The following PCNX2 variants were observed in gnomAD, a reference collection of about 807,000 sequenced individuals.
PCNX2 encodes pecanex-like protein 2.
A neutral mutation model predicts 223.8 loss-of-function variants in PCNX2; 168 were observed. That is an observed-to-expected ratio of 0.75 (90% CI 0.66 to 0.85). The LOEUF is 0.85. PCNX2 is among the 40% of genes least tolerant of loss of function. The probability of loss-of-function intolerance (pLI) is 0.00; values close to 1 mark genes in which losing one functional copy is unlikely to be tolerated. For synonymous variants in PCNX2, 1,006 were observed against 1,052.6 expected (o/e 0.96, Z 0.86); for missense variants, 2,507 against 2,675.5 (o/e 0.94, Z 1.39).
intron 13 of PCNX2, among the ~76,000 whole-genome samples, chr1:233,206,349 C>T (rs1681459491): frequency 7.3e-6 from 1 of 136,674 alleles, no homozygotes; most frequent in African/African-American, 2.6e-5. Context: ...GACTCCAACA[C>T]TGCTGTTTGC....
intron 1 of PCNX2, chr1:233,288,803 C>G: frequency 1.5e-6 from 1 of 655,808 alleles, no homozygotes; most frequent in South Asian, 1.9e-5. Flanking sequence ...GGAAAGATGC[C>G]CTTTTTTTTT....
At chr1:233,151,021 C>A (rs545513988) in intron 19 of PCNX2, among the ~76,000 whole-genome samples, 13 of 149,170 alleles carry the variant, frequency 8.7e-5, no homozygotes, top group Non-Finnish European at 1.9e-4. Context: ...ACAGGGTAGA[C>A]AGAGCTTCTC....
At chr1:233,322,447 C>T in the PCNX2 span, among the ~76,000 whole-genome samples, 5 of 152,150 alleles carry the variant, frequency 3.3e-5, no homozygotes, top group African/African-American at 9.7e-5. Flanking sequence ...GACAGACTCT[C>T]ATCTGGGACA....
At chr1:233,213,868 C>G (rs1234542564) in intron 12 of PCNX2, among the ~76,000 whole-genome samples, 1 of 137,742 alleles carries the variant, frequency 7.3e-6, no homozygotes, top group Non-Finnish European at 1.5e-5. Flanking sequence ...CACTCTATCA[C>G]CCAGGGCTGG....
intron 13 of PCNX2, among the ~76,000 whole-genome samples, chr1:233,204,940 A>T (rs980153920): frequency 3.3e-5 from 5 of 152,262 alleles, no homozygotes; most frequent in Non-Finnish European, 7.3e-5. Flanking sequence ...AAATTGATTT[A>T]AAAATAAAAT....
At chr1:233,314,333 G>A in the PCNX2 span, among the ~76,000 whole-genome samples, 18 of 152,084 alleles carry the variant, frequency 1.2e-4, no homozygotes, top group African/African-American at 4.3e-4. Context: ...TGGATGGCTG[G>A]GGAGTAAACA....
chr1:233,009,647 A>T (rs774971842), intron 28 of PCNX2, among the ~76,000 whole-genome samples: 1 of 152,168 alleles, frequency 6.6e-6, no homozygotes, highest in Non-Finnish European at 1.5e-5. Flanking sequence ...CTGGCTGTAG[A>T]AGAATTAATC....
chr1:233,050,362 C>T (rs1175751178), intron 25 of PCNX2, among the ~76,000 whole-genome samples: 1 of 151,302 alleles, frequency 6.6e-6, no homozygotes, highest in Non-Finnish European at 1.5e-5. Context: ...AAAAAAAAGC[C>T]CAAGTAGCAA....
intron 9 of PCNX2, among the ~76,000 whole-genome samples, chr1:233,232,090 A>T (rs1027743577): frequency 6.6e-6 from 1 of 152,248 alleles, no homozygotes; most frequent in Admixed American, 6.5e-5. Context: ...TGAGGGATAA[A>T]ACATATTTTT....
In PCNX2 at chr1:233,001,583, T is replaced by C; in HGVS notation, c.5051A>G (p.His1684Arg). Residue 1684 changes from histidine to arginine, a missense_variant, in exon 29 of 34, where the codon CAT (histidine) becomes CGT (arginine). His to Arg is a conservative substitution (Grantham distance 29). Coordinates refer to ENST00000258229, the MANE Select transcript of PCNX2 (RefSeq NM_014801.4). This position sits in a 1 kb window ranked among gnomAD's most constrained non-coding sequence, Gnocchi z 4.2. ...CCTGATAGCTGGAGCTACAACTTTA[T>C]GCAGTAGGTCCATGTCAGCAAATAC... ...EWVFADMDLL[H>R]KVVAPAIRMS... is the part of the protein sequence containing the mutation. The C allele has an allele frequency of 3.2e-6, 5 of 1,541,762 alleles. No homozygotes were observed. The highest frequency in any genetic ancestry group is 1.3e-5 in the South Asian group (1 of 79,814).
chr1:232,997,945 C>T (rs1558150616), intron 32 of PCNX2, among the ~76,000 whole-genome samples: 2 of 152,118 alleles, frequency 1.3e-5, no homozygotes, highest in Non-Finnish European at 2.9e-5. Context: ...GAAGGCACAC[C>T]ATCAAACGGT....
intron 19 of PCNX2, among the ~76,000 whole-genome samples, chr1:233,155,436 A>G (rs1181853447): frequency 6.6e-6 from 1 of 152,228 alleles, no homozygotes; most frequent in African/African-American, 2.4e-5. Flanking sequence ...AGGGCTTGGC[A>G]TCTTGTAGGA....
At chr1:233,165,712 ATAAAC>A (rs1177170544) in intron 17 of PCNX2, among the ~76,000 whole-genome samples, 1 of 152,230 alleles carries the variant, frequency 6.6e-6, no homozygotes, top group African/African-American at 2.4e-5. Flanking sequence ...AACTAAACAG[ATAAAC>A]TAAATAAATA....
chr1:233,001,778 AT>A lies in PCNX2; in HGVS notation c.4953-98del. On this transcript the variant is annotated intron_variant, in intron 28 of 33. Coordinates refer to ENST00000258229, the MANE Select transcript of PCNX2 (RefSeq NM_014801.4). This position sits in a 1 kb window ranked among gnomAD's most constrained non-coding sequence, Gnocchi z 4.2. Reference sequence around the variant, plus strand: ...CCATTTGTCTAAGAATTATCTTAACATTTAGGCTGATATAGCAAGAAAATGA... The same window carrying A: ...CCATTTGTCTAAGAATTATCTTAACATTAGGCTGATATAGCAAGAAAATGA... The A allele has an allele frequency of 8.5e-7, 1 of 1,175,606 alleles. No individual in the cohort carries two copies. The highest frequency in any genetic ancestry group is 1.1e-6 in the Non-Finnish European group (1 of 889,490). 72.8% of individuals were successfully genotyped at this position (1,175,606 alleles called of 1,614,324 possible).
At chr1:233,178,055 C>T (rs746805970) in intron 16 of PCNX2, among the ~76,000 whole-genome samples, 157 bp from the exon 17 acceptor site, 4 of 152,154 alleles carry the variant, frequency 2.6e-5, no homozygotes, top group Non-Finnish European at 4.4e-5. Flanking sequence ...TTCAAGTGAT[C>T]ATAAAGATAG....
chr1:233,262,214 G>A, intron 2 of PCNX2, 49 bp from the exon 3 acceptor site: 1 of 1,607,830 alleles, frequency 6.2e-7, no homozygotes, highest in Non-Finnish European at 8.5e-7. Flanking sequence ...TTATCAAACA[G>A]AAGCATGACT....
chr1:233,276,740 G>A (rs774808497), intron 1 of PCNX2, among the ~76,000 whole-genome samples: 24 of 152,168 alleles, frequency 1.6e-4, no homozygotes, highest in Admixed American at 7.2e-4. Flanking sequence ...GAAGTCCCAC[G>A]TTGTTAGCTG....
At chr1:233,291,977 A>C in intron 1 of PCNX2, 1 of 985,344 alleles carries the variant, frequency 1.0e-6, no homozygotes, top group Non-Finnish European at 1.2e-6. Flanking sequence ...AAATTGACTT[A>C]CTGTTTTCAG....
chr1:233,033,092 C>T (rs1671327302), intron 25 of PCNX2: 3 of 985,334 alleles, frequency 3.0e-6, no homozygotes, highest in Non-Finnish European at 3.6e-6. Flanking sequence ...CTTTCGAAGC[C>T]CCGGCAGAGA....
Sources: gnomAD v4.1 joint callset for allele counts (sites outside exome capture counted in the v4.1 genomes callset) on GRCh38, gnomAD v4.1.1 for gene constraint, Gnocchi (gnomAD v3.1) non-coding constraint, MANE v1.5 for transcripts, NCBI Gene and HGNC (gene_info 2026-07-23, HGNC 2026-07-21) for gene names.